The following MYRFL variants were observed in gnomAD, a reference collection of about 807,000 sequenced individuals.
MYRFL encodes the protein myelin regulatory factor like.
Under a neutral mutation model 109.4 loss-of-function variants are expected in MYRFL, and 88 were observed. The ratio of observed to expected loss-of-function variants is 0.80; its 90% CI spans 0.68 to 0.96. MYRFL has a LOEUF of 0.96. MYRFL is among the 40% of genes least tolerant of loss of function. The pLI is 0.00. For missense variants in MYRFL, 957 were observed against 954.9 expected, an observed-to-expected ratio of 1.00 and a Z score of -0.03; for synonymous variants, 324 against 320.9, an observed-to-expected ratio of 1.01 and a Z score of -0.10.
chr12:69,872,994 A>G (rs1043128448), intron 2 of MYRFL, among the ~76,000 whole-genome samples: 1 of 152,190 alleles, frequency 6.6e-6, no homozygotes, highest in Admixed American at 6.5e-5. Flanking sequence ...GTATTGCACA[A>G]TAGACCTCCT....
At chr12:69,830,912 T>A (rs1240251) in intron 1 of MYRFL, among the ~76,000 whole-genome samples, 115,389 of 151,962 alleles carry the variant, frequency 0.76, 44,991 homozygotes, top group Non-Finnish European at 0.86. Context: ...GGTGTTATTG[T>A]TATTGTCATC....
At chr12:69,896,199 A>G (rs1953988691) in intron 9 of MYRFL, among the ~76,000 whole-genome samples, 1 of 152,230 alleles carries the variant, frequency 6.6e-6, no homozygotes, top group Non-Finnish European at 1.5e-5. Context: ...TTCCTGTCCT[A>G]CAAAATAGAG....
chr12:69,872,644 G>C (rs1289624848), intron 2 of MYRFL, among the ~76,000 whole-genome samples: 1 of 152,106 alleles, frequency 6.6e-6, no homozygotes, highest in Non-Finnish European at 1.5e-5. Context: ...GGGATTACAG[G>C]TGTGCGCCAC....
intron 13 of MYRFL, among the ~76,000 whole-genome samples, chr12:69,918,101 A>G (rs1389355421): frequency 6.6e-6 from 1 of 152,124 alleles, no homozygotes; most frequent in African/African-American, 2.4e-5. Context: ...AACATTTCAG[A>G]TTTGTTCCCT....
At chr12:69,945,878 T>C (rs1156935777) in intron 19 of MYRFL, among the ~76,000 whole-genome samples, 1 of 141,132 alleles carries the variant, frequency 7.1e-6, no homozygotes, top group Non-Finnish European at 1.5e-5. Context: ...TCCCAGCTAC[T>C]TGGGAGGCTG....
At chr12:69,886,350 G>T (rs562561934) in intron 5 of MYRFL, among the ~76,000 whole-genome samples, 1 of 152,126 alleles carries the variant, frequency 6.6e-6, no homozygotes, top group East Asian at 1.9e-4. Context: ...TATCTTGCAG[G>T]TTCAAACCTC....
At chr12:69,920,475 T>TAAGA (rs1167690700) in intron 13 of MYRFL, among the ~76,000 whole-genome samples, 1 of 152,212 alleles carries the variant, frequency 6.6e-6, no homozygotes, top group South Asian at 2.1e-4. Flanking sequence ...GAACCACCTG[T>TAAGA]AAGAATATTT....
chr12:69,879,577 G>A (rs1885930858), intron 4 of MYRFL, 124 bp downstream of exon 4: 2 of 594,944 alleles, frequency 3.4e-6, no homozygotes, highest in Non-Finnish European at 6.0e-6. Flanking sequence ...GTGTTGAGAC[G>A]CGTATAGGAC....
intron 6 of MYRFL, 87 bp downstream of exon 6, chr12:69,887,057 C>A: frequency 7.2e-7 from 1 of 1,386,680 alleles, no homozygotes; most frequent in South Asian, 1.4e-5. Flanking sequence ...GCTTTGATGT[C>A]ACCTCTGGTC....
At chr12:69,864,150 G>T (rs1421995612) in intron 2 of MYRFL, among the ~76,000 whole-genome samples, 1 of 152,060 alleles carries the variant, frequency 6.6e-6, no homozygotes, top group African/African-American at 2.4e-5. Flanking sequence ...TGTACTGTTT[G>T]GGATTTGCTC....
intron 7 of MYRFL, among the ~76,000 whole-genome samples, chr12:69,892,387 A>G (rs184748541): frequency 6.6e-6 from 1 of 151,878 alleles, no homozygotes; most frequent in Non-Finnish European, 1.5e-5. Context: ...AGCATTCATT[A>G]TCTGCCTATT....
Position 69,936,281 on chromosome 12 carries a change from A to G in MYRFL, c.1992-2A>G. ...ATTAATCATTTCATTCTTTTTCTCC[A>G]GCAATATCACAAGCTCACAGGAGCC... On this transcript the variant is annotated splice_acceptor_variant, in intron 17 of 24. Coordinates refer to ENST00000552032, the MANE Select transcript of MYRFL (RefSeq NM_182530.3). LOFTEE classifies it high-confidence loss of function. 2.6e-6 allele frequency: 4 copies of G among 1,535,910 alleles called. No homozygotes were observed. The highest frequency in any genetic ancestry group is 1.7e-4 in the Middle Eastern group (1 of 5,988).
At position 69,913,618 on chromosome 12, in the gene MYRFL, TTATTTC is replaced by T. The variant is rs1310297303; in HGVS notation, c.1602+2690_1602+2695del. ...ATCATTTAACCATATATGTGAGAGTTTATTTCTGTGCTGTTTATTATATTCCATTTG... is the reference window on the plus strand; with the variant it reads ...ATCATTTAACCATATATGTGAGAGTTTGTGCTGTTTATTATATTCCATTTG... On this transcript the variant is annotated intron_variant, in intron 13 of 24. Transcript: ENST00000552032. 2.6e-5 allele frequency among the ~76,000 whole-genome samples: 4 copies of T among 152,176 alleles called. No homozygotes were observed. The East Asian group carries it at 7.7e-4, about 29-fold the overall frequency.
chr12:69,894,425 A>G (rs1023572996), intron 8 of MYRFL, among the ~76,000 whole-genome samples: 1 of 152,238 alleles, frequency 6.6e-6, no homozygotes, highest in Non-Finnish European at 1.5e-5. Flanking sequence ...TGTTATTTTC[A>G]TATTGTTTAT....
intron 13 of MYRFL, among the ~76,000 whole-genome samples, chr12:69,924,190 G>GAAA (rs543542332): frequency 1.0e-4 from 8 of 79,836 alleles, no homozygotes; most frequent in Non-Finnish European, 1.4e-4. Context: ...CTCCGTCTCA[G>GAAA]AAAAAAAAAA....
intron 19 of MYRFL, among the ~76,000 whole-genome samples, chr12:69,946,085 A>G (rs996066191): frequency 2.0e-5 from 3 of 150,548 alleles, no homozygotes; most frequent in African/African-American, 7.3e-5. Context: ...TTCCAAATGT[A>G]TACTAATTTA....
chr12:69,881,644 G>A (rs1267548172), intron 5 of MYRFL, among the ~76,000 whole-genome samples: 1 of 152,202 alleles, frequency 6.6e-6, no homozygotes, highest in African/African-American at 2.4e-5. Context: ...CCATCTCCTG[G>A]GAGTGCGGTC....
At chr12:69,827,923 A>G (rs993815061) in intron 1 of MYRFL, among the ~76,000 whole-genome samples, 11 of 152,128 alleles carry the variant, frequency 7.2e-5, no homozygotes, top group African/African-American at 2.7e-4. Context: ...TACTTTAAGC[A>G]TTAATAGTAA....
chr12:69,958,751 G>T lies in MYRFL; in HGVS notation c.*220G>T. ...ATAATGTGATGTTTGATTTTGCCATGACTATGAAGAAAACATTTCCTGGAG... is the reference window on the plus strand; with the variant it reads ...ATAATGTGATGTTTGATTTTGCCATTACTATGAAGAAAACATTTCCTGGAG... On this transcript the variant is annotated 3_prime_UTR_variant, in exon 25 of 25. Coordinates refer to ENST00000552032, the MANE Select transcript of MYRFL (RefSeq NM_182530.3). The T allele has an allele frequency of 2.1e-6, 1 of 477,650 alleles. No individual in the cohort carries two copies. The highest frequency in any genetic ancestry group is 3.7e-6 in the Non-Finnish European group (1 of 272,728). 29.6% of individuals were successfully genotyped at this position (477,650 alleles called of 1,614,324 possible). A position where few individuals can be genotyped will look rare whatever the true frequency, so the allele number is the denominator to read the frequency against.
Sources: gnomAD v4.1 joint callset for allele counts (sites outside exome capture counted in the v4.1 genomes callset) on GRCh38, gnomAD v4.1.1 for gene constraint, MANE v1.5 for transcripts, NCBI Gene and HGNC (gene_info 2026-07-23, HGNC 2026-07-21) for gene names.